Variants in SMAP1 observed in about 807,000 individuals in gnomAD.
SMAP1 encodes small ArfGAP 1.
Under a neutral mutation model 58.5 loss-of-function variants are expected in SMAP1, and 24 were observed. The observed-to-expected ratio is 0.41, with a 90% CI of 0.30 to 0.58. SMAP1 has a LOEUF of 0.58. Ranked by LOEUF, SMAP1 falls within the 20% of genes least tolerant of loss-of-function variation. SMAP1 has a pLI of 0.29. For missense variants in SMAP1, 563 were observed against 566.3 expected, an observed-to-expected ratio of 0.99 and a Z score of 0.06; for synonymous variants, 216 against 196.6, an observed-to-expected ratio of 1.10 and a Z score of -0.82.
At chr6:70,737,810 C>G (rs1182350865) in intron 2 of SMAP1, among the ~76,000 whole-genome samples, 3 of 152,116 alleles carry the variant, frequency 2.0e-5, no homozygotes, top group Non-Finnish European at 4.4e-5. Context: ...TCATGCACTC[C>G]CCTTCCCCAT....
intron 1 of SMAP1, among the ~76,000 whole-genome samples, chr6:70,695,441 GTTGAGGTATGTTCC>G (rs1767360593): frequency 6.6e-6 from 1 of 152,022 alleles, no homozygotes. Context: ...CTTTTATTGT[GTTGAGGTATGTTCC>G]TTCCATACCC....
intron 1 of SMAP1, among the ~76,000 whole-genome samples, chr6:70,731,042 C>T (rs566331019): frequency 9.8e-5 from 15 of 152,314 alleles, no homozygotes; most frequent in South Asian, 8.3e-4. Flanking sequence ...TCAAGTGATC[C>T]GCCTGCCTTG....
At chr6:70,699,828 G>C (rs763906223) in intron 1 of SMAP1, among the ~76,000 whole-genome samples, 12 of 152,062 alleles carry the variant, frequency 7.9e-5, no homozygotes, top group Non-Finnish European at 1.6e-4. Flanking sequence ...GGTGGGTCCA[G>C]AAATGCCATC....
intron 10 of SMAP1, chr6:70,859,448 T>A (rs1163044493): frequency 3.8e-6 from 5 of 1,325,014 alleles, no homozygotes; most frequent in Admixed American, 2.2e-5. Flanking sequence ...CTTCAGACAC[T>A]TATGCCTGAT....
chr6:70,703,325 C>T (rs974358953), intron 1 of SMAP1, among the ~76,000 whole-genome samples: 4 of 152,140 alleles, frequency 2.6e-5, no homozygotes, highest in Admixed American at 6.5e-5. Context: ...CCGCCCACCT[C>T]GGCCTCCCAA....
chr6:70,846,482 T>A lies in SMAP1; in HGVS notation c.665-6058T>A, dbSNP rs115370547. 5.0e-3 allele frequency among the ~76,000 whole-genome samples: 756 copies of A among 152,204 alleles called. 6 individuals carry two copies. Among genetic ancestry groups the A allele is most frequent in the African/African-American group, 0.017 (725 of 41,524 alleles). On this transcript the variant is annotated intron_variant, in intron 7 of 10. Transcript: ENST00000370455. The stretch of plus-strand genomic sequence containing the variant: ...GCATGCCTGTTCAGCCTAAGAACAT[T>A]CCGATGCCATAAAAACTAAAAATGA...
Position 70,768,456 on chromosome 6 carries a change from A to G in SMAP1, c.339-4894A>G, listed in dbSNP as rs142027127. ...TGTTATTGGTCTGTTCAGAGAGTCA[A>G]CTTCTTCCTGGTTTAGTCTTGGGAG... On this transcript the variant is annotated intron_variant, in intron 3 of 10. Transcript: ENST00000370455. Among the ~76,000 whole-genome samples, 10 of 152,220 alleles carry G rather than the reference A, an allele frequency of 6.6e-5. No homozygotes were observed. In the East Asian group the frequency reaches 7.7e-4, roughly 12 times the overall value.
At chr6:70,693,360 G>T (rs953457415) in intron 1 of SMAP1, among the ~76,000 whole-genome samples, 8 of 146,262 alleles carry the variant, frequency 5.5e-5, no homozygotes, top group African/African-American at 2.0e-4. Flanking sequence ...CTGGAGTGCA[G>T]TGGTGCAATC....
intron 6 of SMAP1, among the ~76,000 whole-genome samples, chr6:70,814,555 C>T (rs1455103463): frequency 1.3e-5 from 2 of 152,120 alleles, no homozygotes; most frequent in Non-Finnish European, 2.9e-5. Flanking sequence ...GAGCCTTCAG[C>T]TCTGTGCTGT....
chr6:70,804,304 C>A (rs1037177601), intron 6 of SMAP1, among the ~76,000 whole-genome samples: 1 of 150,996 alleles, frequency 6.6e-6, no homozygotes, highest in Admixed American at 6.6e-5. Flanking sequence ...ACTAGGATTG[C>A]AACCCCTGTT....
intron 6 of SMAP1, among the ~76,000 whole-genome samples, chr6:70,818,837 G>A (rs774050861): frequency 3.3e-5 from 5 of 152,072 alleles, no homozygotes; most frequent in Non-Finnish European, 5.9e-5. Context: ...ATTTTTCTAC[G>A]ATGTTACTTT....
intron 2 of SMAP1, among the ~76,000 whole-genome samples, chr6:70,751,297 CTTAT>C (rs928002537): frequency 7.2e-5 from 11 of 152,058 alleles, no homozygotes; most frequent in Non-Finnish European, 1.6e-4. Flanking sequence ...TACATGTTCA[CTTAT>C]TCCTCAATAT....
chr6:70,812,166 A>T (rs1214780537), intron 6 of SMAP1, among the ~76,000 whole-genome samples: 1 of 152,212 alleles, frequency 6.6e-6, no homozygotes, highest in Non-Finnish European at 1.5e-5. Context: ...ACTGCTGTAG[A>T]CACAAGATCT....
chr6:70,759,134 C>A (rs1185224969), intron 3 of SMAP1, among the ~76,000 whole-genome samples: 1 of 152,022 alleles, frequency 6.6e-6, no homozygotes, highest in African/African-American at 2.4e-5. Flanking sequence ...AATTCTTTTC[C>A]TTCTCTGGAA....
At chr6:70,720,030 A>T (rs1446862249) in intron 1 of SMAP1, among the ~76,000 whole-genome samples, 1 of 152,206 alleles carries the variant, frequency 6.6e-6, no homozygotes, top group Non-Finnish European at 1.5e-5. Flanking sequence ...TTTCAGCATT[A>T]ACCAAAAAGT....
chr6:70,776,939 C>T (rs1378138886), intron 4 of SMAP1, among the ~76,000 whole-genome samples: 2 of 152,190 alleles, frequency 1.3e-5, no homozygotes, highest in Non-Finnish European at 2.9e-5. Flanking sequence ...GTGAATAGAG[C>T]TGCAGTAAAC....
chr6:70,815,071 T>C (rs939206548), intron 6 of SMAP1, among the ~76,000 whole-genome samples: 1 of 152,180 alleles, frequency 6.6e-6, no homozygotes, highest in Non-Finnish European at 1.5e-5. Context: ...AAAATTTATC[T>C]GCTGTAGGTT....
chr6:70,771,065 A>G (rs1767276328), intron 3 of SMAP1, among the ~76,000 whole-genome samples: 1 of 151,012 alleles, frequency 6.6e-6, no homozygotes, highest in Non-Finnish European at 1.5e-5. Context: ...AGGACAGCGG[A>G]TTTTCGTGAA....
intron 1 of SMAP1, among the ~76,000 whole-genome samples, chr6:70,729,019 T>C (rs187265605): frequency 3.9e-4 from 59 of 152,296 alleles, no homozygotes; most frequent in African/African-American, 1.4e-3. Flanking sequence ...TTTTTCCCTG[T>C]TTTTGAAAAC....
Sources: gnomAD v4.1 joint callset for allele counts (sites outside exome capture counted in the v4.1 genomes callset) on GRCh38, gnomAD v4.1.1 for gene constraint, MANE v1.5 for transcripts, NCBI Gene and HGNC (gene_info 2026-07-23, HGNC 2026-07-21) for gene names.